The following ERC2 variants were observed in gnomAD, a reference collection of about 807,000 sequenced individuals.
The protein encoded by ERC2 is ERC protein 2.
Under a neutral mutation model 114.8 loss-of-function variants are expected in ERC2, and 42 were observed. That is an observed-to-expected ratio of 0.37 (90% CI 0.29 to 0.47). The LOEUF is 0.47. ERC2 is among the 20% of genes least tolerant of loss of function. The pLI is 0.99. For synonymous variants in ERC2, 454 were observed against 425.5 expected, an observed-to-expected ratio of 1.07 and a Z score of -0.82; for missense variants, 939 against 1,150.7, an observed-to-expected ratio of 0.82 and a Z score of 2.66.
chr3:56,457,399 C>T (rs1411004190), intron 1 of ERC2, among the ~76,000 whole-genome samples: 1 of 152,086 alleles, frequency 6.6e-6, no homozygotes, highest in Non-Finnish European at 1.5e-5. Flanking sequence ...TGCTAGGAGT[C>T]CCAAAGCCAT....
intron 14 of ERC2, among the ~76,000 whole-genome samples, chr3:55,810,485 C>A (rs527656054): frequency 2.2e-5 from 3 of 136,542 alleles, no homozygotes; most frequent in African/African-American, 8.8e-5. Context: ...TTGTTTGAGA[C>A]GGAGTTTTGG....
chr3:56,444,753 C>A (rs9842744), intron 1 of ERC2, among the ~76,000 whole-genome samples: 1 of 152,206 alleles, frequency 6.6e-6, no homozygotes, highest in South Asian at 2.1e-4. Context: ...TTCCACAGAT[C>A]TCCGCCTCAG....
intron 3 of ERC2, among the ~76,000 whole-genome samples, chr3:56,192,621 C>A (rs1428717566): frequency 6.6e-6 from 1 of 152,154 alleles, no homozygotes; most frequent in Non-Finnish European, 1.5e-5. Flanking sequence ...TCCCTAAACA[C>A]AGAGACCATG....
At chr3:55,719,650 A>G (rs940716326) in intron 15 of ERC2, among the ~76,000 whole-genome samples, 1 of 152,196 alleles carries the variant, frequency 6.6e-6, no homozygotes, top group Non-Finnish European at 1.5e-5. Flanking sequence ...AAGATAAATC[A>G]GCAACACTTA....
intron 14 of ERC2, among the ~76,000 whole-genome samples, chr3:55,875,365 C>A (rs1445456739): frequency 6.6e-6 from 1 of 152,202 alleles, no homozygotes; most frequent in Admixed American, 6.5e-5. Context: ...CTGCAAATGT[C>A]TTCAAGTAAG....
At chr3:56,353,198 T>C (rs571727872) in intron 2 of ERC2, among the ~76,000 whole-genome samples, 17 of 152,172 alleles carry the variant, frequency 1.1e-4, no homozygotes, top group African/African-American at 3.9e-4. Flanking sequence ...TATGGTCCCA[T>C]GGCCTAAGCA....
chr3:56,378,850 G>A (rs1326340733), intron 2 of ERC2, among the ~76,000 whole-genome samples: 5 of 152,170 alleles, frequency 3.3e-5, no homozygotes, highest in Non-Finnish European at 7.3e-5. Context: ...TTTGGCAGAT[G>A]TACCTCCATT....
intron 14 of ERC2, among the ~76,000 whole-genome samples, chr3:55,830,321 G>T (rs1486296880): frequency 5.3e-5 from 8 of 152,178 alleles, no homozygotes; most frequent in African/African-American, 1.9e-4. Context: ...CTAAAAAAAT[G>T]ATGTTAAAAA....
intron 12 of ERC2, among the ~76,000 whole-genome samples, chr3:55,957,603 G>A (rs752411787): frequency 2.0e-5 from 3 of 152,164 alleles, no homozygotes; most frequent in African/African-American, 2.4e-5. Context: ...GGCTGTGCTC[G>A]GCTCACACTA....
intron 2 of ERC2, among the ~76,000 whole-genome samples, chr3:56,313,318 T>A (rs1489911168): frequency 6.6e-6 from 1 of 151,924 alleles, no homozygotes; most frequent in Admixed American, 6.6e-5. Flanking sequence ...AATCACTGAA[T>A]TGTACCATTT....
intron 3 of ERC2, among the ~76,000 whole-genome samples, chr3:56,278,213 G>C (rs1370107654): frequency 6.6e-6 from 1 of 152,134 alleles, no homozygotes; most frequent in Non-Finnish European, 1.5e-5. Context: ...CAGACTGGTG[G>C]GATCAACAGT....
intron 3 of ERC2, among the ~76,000 whole-genome samples, chr3:56,177,950 T>G (rs371756781): frequency 1.3e-5 from 2 of 152,198 alleles, no homozygotes; most frequent in East Asian, 1.9e-4. Flanking sequence ...ATCACAAAAT[T>G]TAACATCTCA....
intron 2 of ERC2, among the ~76,000 whole-genome samples, chr3:56,421,446 T>A (rs181411003): frequency 5.4e-4 from 82 of 152,334 alleles, no homozygotes; most frequent in African/African-American, 1.7e-3. Flanking sequence ...CTCATTCCCT[T>A]GGCCACAGCT....
chr3:55,904,708 C>T, intron 13 of ERC2, among the ~76,000 whole-genome samples: 1 of 152,192 alleles, frequency 6.6e-6, no homozygotes, highest in East Asian at 1.9e-4. Flanking sequence ...AAGAAAGCGT[C>T]TGGGGGGAAA....
At chr3:55,919,443 G>A (rs1216353351) in intron 13 of ERC2, among the ~76,000 whole-genome samples, 2 of 152,094 alleles carry the variant, frequency 1.3e-5, no homozygotes, top group African/African-American at 4.8e-5. Context: ...ATAAAACAGA[G>A]CTACAGGTAT....
chr3:56,298,711 A>G (rs191033591), intron 2 of ERC2, among the ~76,000 whole-genome samples: 141 of 138,944 alleles, frequency 1.0e-3, no homozygotes, highest in Non-Finnish European at 6.4e-4. Context: ...GTGTGGAGTA[A>G]ATGGGGGGAC....
At chr3:55,966,144 G>T (rs1488667351) in intron 12 of ERC2, among the ~76,000 whole-genome samples, 1 of 152,034 alleles carries the variant, frequency 6.6e-6, no homozygotes, top group Non-Finnish European at 1.5e-5. Flanking sequence ...ACAAACAAGG[G>T]GCTAGGGTCA....
rs563601997 is a variant in ERC2, at chr3:55,950,468, C to A, written c.2360G>T (p.Arg787Leu). 5 of 1,613,908 alleles carry A rather than the reference C, an allele frequency of 3.1e-6. No homozygotes were observed. The African/African-American group carries it at 4.0e-5, about 13-fold the overall frequency. ...GTCAGCCATGCTGTCTTCTCGCCTG[C>A]GCACTTCTTCTAGTAACTGAGCATT... ...KKNAQLLEEV[R>L]RREDSMADNS... The change falls in exon 13 of 18, where the codon CGC becomes CTC. Residue 787 changes from arginine to leucine, a missense_variant. By Grantham distance (102) the Arg-to-Leu change is moderately radical. Transcript: ENST00000288221.
At chr3:55,541,636 C>T (rs1233112552) in intron 17 of ERC2, among the ~76,000 whole-genome samples, 1 of 152,176 alleles carries the variant, frequency 6.6e-6, no homozygotes, top group Non-Finnish European at 1.5e-5. Flanking sequence ...GCAGCTTTCA[C>T]AATCTTTATG....
Sources: allele counts gnomAD v4.1 joint callset (sites outside exome capture counted in the v4.1 genomes callset), GRCh38; gene constraint gnomAD v4.1.1; transcripts MANE v1.5; gene names NCBI Gene and HGNC (gene_info 2026-07-23, HGNC 2026-07-21).